The following LZTFL1 variants were observed in gnomAD, a reference collection of about 807,000 sequenced individuals.
LZTFL1 encodes the protein leucine zipper transcription factor-like protein 1.
A neutral mutation model predicts 45.9 loss-of-function variants in LZTFL1; 25 were observed. That is an observed-to-expected ratio of 0.54 (90% CI 0.40 to 0.76). The LOEUF (loss-of-function observed/expected upper bound fraction) is 0.76. LZTFL1 is among the 30% of genes least tolerant of loss of function. The probability of loss-of-function intolerance (pLI) is 0.00; values close to 1 mark genes in which losing one functional copy is unlikely to be tolerated. For missense variants in LZTFL1, 277 were observed against 331.1 expected (o/e 0.84, Z 1.27); for synonymous variants, 93 against 117.4 (o/e 0.79, Z 1.35).
chr3:45,852,720 A>C lies in LZTFL1; in HGVS notation c.-49+2266T>G, dbSNP rs143426426. Among the ~76,000 whole-genome samples the C allele has an allele frequency of 9.3e-3, 1,409 of 152,320 alleles. 28 individuals are homozygous for C. Among genetic ancestry groups the C allele is most frequent in the African/African-American group, 0.032 (1,325 of 41,566 alleles). On this transcript the variant is annotated intron_variant, in intron 4 of 4. Transcript: ENST00000472635. ...GATCCCTACTTTATATATGTCTGTAACTTGAATTTATTTCTTAAGCAGACA... is the reference window on the plus strand; with the variant it reads ...GATCCCTACTTTATATATGTCTGTACCTTGAATTTATTTCTTAAGCAGACA...
intron 2 of LZTFL1, among the ~76,000 whole-genome samples, chr3:45,889,620 A>G (rs1160319594): frequency 6.6e-6 from 1 of 152,060 alleles, no homozygotes; most frequent in African/African-American, 2.4e-5. Context: ...CACTGGTCAC[A>G]GTGGTTCAGT....
intron 2 of LZTFL1, among the ~76,000 whole-genome samples, chr3:45,874,306 G>C (rs1701714145): frequency 6.6e-6 from 1 of 152,182 alleles, no homozygotes; most frequent in South Asian, 2.1e-4. Flanking sequence ...GGGAGGTGAA[G>C]GGATAAGCAT....
intron 3 of LZTFL1, chr3:45,834,905 G>T (rs1700924313): frequency 6.5e-6 from 1 of 152,824 alleles, no homozygotes; most frequent in African/African-American, 2.4e-5. Context: ...AGTGGCAGAA[G>T]TTCAATGATT....
chr3:45,905,360 C>G (rs1702660261), intron 2 of LZTFL1, among the ~76,000 whole-genome samples: 2 of 152,224 alleles, frequency 1.3e-5, no homozygotes, highest in Admixed American at 6.5e-5. Context: ...ACAACCCAGA[C>G]AGCTAATGAC....
chr3:45,863,958 T>C (rs1320373824), intron 2 of LZTFL1, among the ~76,000 whole-genome samples: 2 of 152,204 alleles, frequency 1.3e-5, no homozygotes, highest in African/African-American at 4.8e-5. Flanking sequence ...TAATTTTAGG[T>C]GTGATAATGT....
chr3:45,862,864 CAGAT>C (rs1339636003), intron 2 of LZTFL1, among the ~76,000 whole-genome samples: 1 of 152,174 alleles, frequency 6.6e-6, no homozygotes, highest in African/African-American at 2.4e-5. Flanking sequence ...GGAGGGAGCA[CAGAT>C]ATAAGTAATA....
intron 7 of LZTFL1, among the ~76,000 whole-genome samples, chr3:45,829,608 G>GAAAAAAAAAAAAAAAAAAAAAAAAAAAA (rs1206418827): frequency 1.7e-5 from 1 of 58,932 alleles, no homozygotes; most frequent in Non-Finnish European, 3.3e-5. Flanking sequence ...TGTCTCAAAA[G>GAAAAAAAAAAAAAAAAAAAAAAAAAAAA]AAAAAAAAAA....
rs1702572642 is a variant in LZTFL1 at position 45,901,880 on chromosome 3, A to G, written c.-215+11240T>C. ...CGTCTATGTTGCTGGAGACAACCTC[A>G]GGAGCACTCTCCCTCTGAGGGGTCT... On this transcript the variant is annotated intron_variant, in intron 2 of 4. Coordinates refer to the LZTFL1 transcript ENST00000472635. The surrounding 1 kb of genome is among the most constrained non-coding windows in gnomAD (Gnocchi z 4.3). 1 of 1,602,040 alleles carries G rather than the reference A, an allele frequency of 6.2e-7. No homozygotes were observed. The highest frequency in any genetic ancestry group is 2.2e-5 in the East Asian group (1 of 44,608).
chr3:45,827,064 C>T (rs1165448900), intron 9 of LZTFL1: 4 of 347,078 alleles, frequency 1.2e-5, no homozygotes, highest in African/African-American at 2.2e-5. Flanking sequence ...TGCTGCCCTG[C>T]GAGCTTGCTG....
chr3:45,900,801 C>T lies in LZTFL1; in HGVS notation c.-215+12319G>A. On this transcript the variant is annotated intron_variant, in intron 2 of 4. Transcript: ENST00000472635. The surrounding 1 kb of genome is among the most constrained non-coding windows in gnomAD (Gnocchi z 4.7). ...CCTTGACCTAATGCCATCTTGTGTC[C>T]CCTTGCAGAGCCCTATTCCTAACAT... is the stretch of plus-strand genomic sequence containing the variant. 6.2e-7 allele frequency: 1 copy of T among 1,602,540 alleles called. No homozygotes were observed.
At position 45,900,507 on chromosome 3, in the gene LZTFL1, T is replaced by G. The variant is rs1702516561; in HGVS notation, c.-215+12613A>C. 6.6e-6 allele frequency among the ~76,000 whole-genome samples: 1 copy of G among 152,166 alleles called. No individual in the cohort carries two copies. The highest frequency in any genetic ancestry group is 2.1e-4 in the South Asian group (1 of 4,818). ...TGGCATGCACACTATAAATGTTCAT[T>G]TGCGTGTCTGGTTGCTCTATGGGTA... On this transcript the variant is annotated intron_variant, in intron 2 of 4. Coordinates refer to the LZTFL1 transcript ENST00000472635. The surrounding 1 kb of genome is among the most constrained non-coding windows in gnomAD (Gnocchi z 4.7).
At chr3:45,904,981 G>A (rs561576648) in intron 2 of LZTFL1, among the ~76,000 whole-genome samples, 7 of 152,242 alleles carry the variant, frequency 4.6e-5, no homozygotes, top group Admixed American at 3.3e-4. Context: ...CAGCTTCACC[G>A]GAGGGTTCTT....
At chr3:45,892,042 C>T (rs1267775008) in intron 2 of LZTFL1, among the ~76,000 whole-genome samples, 1 of 152,130 alleles carries the variant, frequency 6.6e-6, no homozygotes. Context: ...AGTTACATGT[C>T]TCCAAGGAGC....
At chr3:45,895,429 G>C (rs1702321953) in intron 2 of LZTFL1, among the ~76,000 whole-genome samples, 1 of 152,238 alleles carries the variant, frequency 6.6e-6, no homozygotes, top group South Asian at 2.1e-4. Context: ...TAGTGAGTCA[G>C]TCTGGGCGTG....
At chr3:45,906,543 C>T (rs1292294642) in intron 2 of LZTFL1, among the ~76,000 whole-genome samples, 1 of 152,248 alleles carries the variant, frequency 6.6e-6, no homozygotes, top group Non-Finnish European at 1.5e-5. Context: ...TTGGCCAGCA[C>T]TCCTCTCACT....
chr3:45,888,259 G>T (rs763447753), intron 2 of LZTFL1, among the ~76,000 whole-genome samples: 2 of 152,132 alleles, frequency 1.3e-5, no homozygotes, highest in Non-Finnish European at 2.9e-5. Flanking sequence ...CTGGAGCAAT[G>T]TTCCCTCCCC....
chr3:45,845,101 G>A (rs892767883), upstream of LZTFL1, among the ~76,000 whole-genome samples: 1 of 152,100 alleles, frequency 6.6e-6, no homozygotes, highest in Admixed American at 6.5e-5. Context: ...AAAATTGATT[G>A]TAAAGATGAT....
intron 2 of LZTFL1, among the ~76,000 whole-genome samples, chr3:45,897,170 T>C (rs1241031783): frequency 6.6e-6 from 1 of 152,160 alleles, no homozygotes; most frequent in African/African-American, 2.4e-5. Context: ...TACTGAGGGA[T>C]TTCCAGAGGA....
chr3:45,912,425 T>C (rs1380637583), intron 2 of LZTFL1, among the ~76,000 whole-genome samples: 1 of 152,210 alleles, frequency 6.6e-6, no homozygotes, highest in Non-Finnish European at 1.5e-5. Context: ...ACACCTGGAA[T>C]CTGGGCTGGC....
Sources: gnomAD v4.1 joint callset for allele counts (sites outside exome capture counted in the v4.1 genomes callset) on GRCh38, gnomAD v4.1.1 for gene constraint, Gnocchi (gnomAD v3.1) non-coding constraint, MANE v1.5 for transcripts, NCBI Gene and HGNC (gene_info 2026-07-23, HGNC 2026-07-21) for gene names.